Variants in MAST4 observed in about 807,000 individuals in gnomAD.
The protein encoded by MAST4 is microtubule associated serine/threonine kinase family member 4.
A neutral mutation model predicts 162.7 loss-of-function variants in MAST4; 89 were observed. That is an observed-to-expected ratio of 0.55 (90% CI 0.46 to 0.65). The LOEUF (loss-of-function observed/expected upper bound fraction) is 0.65. MAST4 is among the 30% of genes least tolerant of loss of function. The probability of loss-of-function intolerance (pLI) is 0.00; values close to 1 mark genes in which losing one functional copy is unlikely to be tolerated. For synonymous variants in MAST4, 1,479 were observed against 1,361.1 expected, an observed-to-expected ratio of 1.09 and a Z score of -1.91; for missense variants, 3,153 against 3,374.0, an observed-to-expected ratio of 0.93 and a Z score of 1.62.
chr5:67,018,844 TATTTTA>T (rs1226415713), intron 4 of MAST4, among the ~76,000 whole-genome samples: 1 of 152,238 alleles, frequency 6.6e-6, no homozygotes, highest in African/African-American at 2.4e-5. Context: ...ATTTTTATTA[TATTTTA>T]ATTTTAATGA....
intron 1 of MAST4, among the ~76,000 whole-genome samples, chr5:66,621,206 G>C (rs1439644568): frequency 6.6e-6 from 1 of 152,146 alleles, no homozygotes; most frequent in African/African-American, 2.4e-5. Flanking sequence ...TTTGAGAGTA[G>C]AATTTGATTC....
intron 1 of MAST4, among the ~76,000 whole-genome samples, chr5:66,735,968 A>G (rs556236779): frequency 6.6e-5 from 10 of 152,330 alleles, no homozygotes; most frequent in African/African-American, 2.4e-4. Flanking sequence ...CATTATTGCT[A>G]CAAGATAGGG....
chr5:66,868,074 A>G (rs888596866), intron 3 of MAST4, among the ~76,000 whole-genome samples: 4 of 152,244 alleles, frequency 2.6e-5, no homozygotes, highest in Non-Finnish European at 4.4e-5. Flanking sequence ...ATATAGGATC[A>G]TCAGTTCCCT....
At chr5:66,981,721 G>T (rs895961768) in intron 4 of MAST4, among the ~76,000 whole-genome samples, 1 of 152,104 alleles carries the variant, frequency 6.6e-6, no homozygotes. Context: ...GCTTATTTTT[G>T]CCCCATTTAA....
chr5:66,723,267 AG>A (rs1178174909), intron 1 of MAST4, among the ~76,000 whole-genome samples: 3 of 152,178 alleles, frequency 2.0e-5, no homozygotes, highest in Non-Finnish European at 4.4e-5. Context: ...TCAGTCCTAA[AG>A]GGTTCTTCTT....
intron 4 of MAST4, among the ~76,000 whole-genome samples, chr5:66,991,976 A>G (rs566189338): frequency 6.6e-6 from 1 of 152,354 alleles, no homozygotes; most frequent in East Asian, 1.9e-4. Flanking sequence ...AGGCAGACAG[A>G]TACAGTCATG....
Position 66,893,386 on chromosome 5 carries a change from G to T in MAST4, c.643-6565G>T, listed in dbSNP as rs1469149825. The stretch of plus-strand genomic sequence containing the variant: ...ACGCCCAGCTAATTTTTTTTTTTGT[G>T]TGTGTGTGTGTGTCTTTTTTTTGGT... On this transcript the variant is annotated intron_variant, in intron 3 of 28. Coordinates refer to ENST00000403625, the MANE Select transcript of MAST4 (RefSeq NM_001164664.2). Among the ~76,000 whole-genome samples, 283 of 149,320 alleles carry T rather than the reference G, an allele frequency of 1.9e-3. 1 individual carries two copies. Among genetic ancestry groups the T allele is most frequent in the African/African-American group, 5.7e-3 (233 of 40,704 alleles).
At chr5:67,057,021 T>A (rs1288483066) in intron 5 of MAST4, among the ~76,000 whole-genome samples, 1 of 152,178 alleles carries the variant, frequency 6.6e-6, no homozygotes, top group African/African-American at 2.4e-5. Context: ...TTTTTCTTTA[T>A]GTTATGGAGC....
At chr5:67,032,352 C>A (rs1037105107) in intron 4 of MAST4, among the ~76,000 whole-genome samples, 32 of 152,224 alleles carry the variant, frequency 2.1e-4, no homozygotes, top group African/African-American at 7.2e-4. Flanking sequence ...TCCCCACCCA[C>A]GTTTTTTGCA....
At chr5:66,760,178 T>C (rs544145234) in intron 2 of MAST4, among the ~76,000 whole-genome samples, 15 of 151,848 alleles carry the variant, frequency 9.9e-5, no homozygotes, top group African/African-American at 3.4e-4. Flanking sequence ...TGGTGTGGCA[T>C]GATCTCGGCT....
chr5:67,134,605 G>A lies in MAST4; in HGVS notation c.2309G>A (p.Gly770Glu). Residue 770 changes from glycine to glutamate, a missense_variant, in exon 18 of 29, where the codon GGG becomes GAG. Transcript: ENST00000403625. ...YGKPVDWWAM[G>E]IILYEFLVGC... is the part of the protein sequence containing the mutation. ...AAGCCGGTGGACTGGTGGGCCATGG[G>A]GATTATCCTCTATGAATTTCTGGTT... 6.2e-7 allele frequency: 1 copy of A among 1,613,636 alleles called. No homozygotes were observed. Among genetic ancestry groups the A allele is most frequent in the Non-Finnish European group, 8.5e-7 (1 of 1,179,664 alleles).
chr5:67,149,337 C>T, intron 23 of MAST4, 52 bp from the exon 24 acceptor site: 1 of 1,523,716 alleles, frequency 6.6e-7, no homozygotes, highest in South Asian at 1.2e-5. Flanking sequence ...GTCTTCCCAC[C>T]TCTCCTATCC....
At chr5:66,991,070 G>A (rs1156782208) in intron 4 of MAST4, among the ~76,000 whole-genome samples, 2 of 152,146 alleles carry the variant, frequency 1.3e-5, no homozygotes, top group African/African-American at 4.8e-5. Context: ...AGTATCAGTG[G>A]TTTGAGAGAA....
chr5:66,965,225 C>CT (rs1187971815), intron 4 of MAST4, among the ~76,000 whole-genome samples: 4,256 of 84,268 alleles, frequency 0.051, 110 homozygotes, highest in African/African-American at 0.11. Flanking sequence ...TTTTTTTTTG[C>CT]TTTTTTTTTT....
At chr5:66,950,101 C>T (rs530308175) in intron 4 of MAST4, among the ~76,000 whole-genome samples, 1 of 152,190 alleles carries the variant, frequency 6.6e-6, no homozygotes, top group African/African-American at 2.4e-5. Flanking sequence ...GCCACTACCT[C>T]ACCCCACCCT....
At chr5:66,956,773 G>A (rs1221461234) in intron 4 of MAST4, among the ~76,000 whole-genome samples, 6 of 152,226 alleles carry the variant, frequency 3.9e-5, no homozygotes, top group African/African-American at 1.4e-4. Context: ...CAGGGAAGCT[G>A]TTGGAGGATT....
chr5:66,720,836 A>G (rs1047451789), intron 1 of MAST4, among the ~76,000 whole-genome samples: 9 of 151,932 alleles, frequency 5.9e-5, no homozygotes, highest in African/African-American at 2.2e-4. Context: ...CTCTGTCCTC[A>G]AACTTTAAAC....
At chr5:66,919,660 GAA>G (rs56802433) in intron 4 of MAST4, among the ~76,000 whole-genome samples, 57 of 96,882 alleles carry the variant, frequency 5.9e-4, no homozygotes, top group South Asian at 1.6e-3. Flanking sequence ...CTCCGTCACA[GAA>G]AAAAAAAAAA....
intron 4 of MAST4, among the ~76,000 whole-genome samples, chr5:66,951,452 G>T (rs1236216586): frequency 6.6e-6 from 1 of 151,990 alleles, no homozygotes; most frequent in Non-Finnish European, 1.5e-5. Context: ...ATTACACTGG[G>T]TCCACACAGA....
Sources: gnomAD v4.1 joint callset for allele counts (sites outside exome capture counted in the v4.1 genomes callset) on GRCh38, gnomAD v4.1.1 for gene constraint, MANE v1.5 for transcripts, NCBI Gene and HGNC (gene_info 2026-07-23, HGNC 2026-07-21) for gene names.